Variants in KCNIP4 observed in about 807,000 individuals in gnomAD.
KCNIP4 encodes potassium voltage-gated channel interacting protein 4.
KCNIP4 carries 12 observed loss-of-function variants against 34.0 expected under a neutral mutation model. That is an observed-to-expected ratio of 0.35 (90% CI 0.23 to 0.57). The LOEUF is 0.57. KCNIP4 is among the 20% of genes least tolerant of loss of function. The pLI is 0.83. For synonymous variants in KCNIP4, 124 were observed against 102.2 expected (o/e 1.21, Z -1.29); for missense variants, 238 against 311.7 (o/e 0.76, Z 1.78).
chr4:21,941,569 AT>A (rs1259002159), intron 1 of KCNIP4, among the ~76,000 whole-genome samples: 1 of 152,136 alleles, frequency 6.6e-6, no homozygotes, highest in African/African-American at 2.4e-5. Flanking sequence ...AAAAGGGGAC[AT>A]TTCCCTAAGC....
chr4:21,132,379 T>C (rs1026705416), intron 1 of KCNIP4, among the ~76,000 whole-genome samples: 7 of 152,222 alleles, frequency 4.6e-5, no homozygotes, highest in African/African-American at 1.7e-4. Flanking sequence ...GTGGAATGAA[T>C]ATGCCGGATT....
chr4:21,901,557 T>G (rs997432484), intron 1 of KCNIP4, among the ~76,000 whole-genome samples: 1 of 152,074 alleles, frequency 6.6e-6, no homozygotes, highest in African/African-American at 2.4e-5. Context: ...TCTCAAGAGG[T>G]AAAGTGGGGG....
Position 20,743,788 on chromosome 4 carries a change from G to A in KCNIP4, c.429+5874C>T, listed in dbSNP as rs182711983. Reference sequence around the variant, plus strand: ...GACAAATGGGATCTAATTAAACTAAGGAACTTCTGCACAGCAAAAGAAACT... The same window carrying A: ...GACAAATGGGATCTAATTAAACTAAAGAACTTCTGCACAGCAAAAGAAACT... On this transcript the variant is annotated intron_variant, in intron 5 of 8. Transcript: ENST00000382152. Among the ~76,000 whole-genome samples, 356 of 152,114 alleles carry A rather than the reference G, an allele frequency of 2.3e-3. 8 individuals are homozygous for A. In the South Asian group the frequency reaches 0.046, roughly 20 times the overall value.
intron 1 of KCNIP4, among the ~76,000 whole-genome samples, chr4:21,747,900 A>G (rs1716880869): frequency 1.3e-5 from 2 of 152,132 alleles, no homozygotes; most frequent in South Asian, 4.1e-4. Flanking sequence ...ACAAGACGCA[A>G]AAAAGGACAC....
intron 1 of KCNIP4, among the ~76,000 whole-genome samples, chr4:21,875,450 T>C (rs142293978): frequency 4.6e-5 from 7 of 152,328 alleles, no homozygotes; most frequent in African/African-American, 1.7e-4. Flanking sequence ...AATGCTTTTC[T>C]ACGTTGAAAT....
chr4:21,365,101 A>G (rs1186858230), intron 1 of KCNIP4, among the ~76,000 whole-genome samples: 1 of 152,190 alleles, frequency 6.6e-6, no homozygotes, highest in Non-Finnish European at 1.5e-5. Flanking sequence ...GAGATATTAA[A>G]GTATTTGGGG....
intron 1 of KCNIP4, among the ~76,000 whole-genome samples, chr4:21,099,432 G>T (rs576594526): frequency 2.6e-5 from 4 of 151,996 alleles, no homozygotes; most frequent in Non-Finnish European, 4.4e-5. Flanking sequence ...TGGACACATC[G>T]GGGGGAACAA....
chr4:21,923,907 A>G (rs2108998822), intron 1 of KCNIP4, among the ~76,000 whole-genome samples: 1 of 152,290 alleles, frequency 6.6e-6, no homozygotes, highest in East Asian at 1.9e-4. Flanking sequence ...CAGTGGTGTC[A>G]CCAGAGGAAG....
chr4:21,866,973 A>G (rs10938862), intron 1 of KCNIP4, among the ~76,000 whole-genome samples: 148,755 of 151,968 alleles, frequency 0.98, 72,892 homozygotes, highest in East Asian at 1. Flanking sequence ...GGGTTTCACC[A>G]TGTTAGCCAG....
At chr4:21,552,553 C>T (rs1738666477) in intron 1 of KCNIP4, among the ~76,000 whole-genome samples, 1 of 152,114 alleles carries the variant, frequency 6.6e-6, no homozygotes, top group Non-Finnish European at 1.5e-5. Flanking sequence ...TAAATCCCTA[C>T]TCTGGACTAT....
intron 1 of KCNIP4, among the ~76,000 whole-genome samples, chr4:21,610,014 T>G (rs1447337603): frequency 6.6e-6 from 1 of 152,230 alleles, no homozygotes; most frequent in East Asian, 1.9e-4. Context: ...AGGCAGAAAC[T>G]GTTATATTTA....
At chr4:20,758,688 A>G in intron 4 of KCNIP4, 133 bp downstream of exon 4, 1 of 686,960 alleles carries the variant, frequency 1.5e-6, no homozygotes, top group South Asian at 2.0e-5. Flanking sequence ...AATTATATAC[A>G]CTTGCATGCT....
chr4:21,055,865 G>T lies in KCNIP4; in HGVS notation c.62-173156C>A, dbSNP rs76835563. Among the ~76,000 whole-genome samples the T allele has an allele frequency of 3.9e-5, 6 of 152,252 alleles. No individual in the cohort carries two copies. The East Asian group carries it at 1.2e-3, about 29-fold the overall frequency. On this transcript the variant is annotated intron_variant, in intron 1 of 8. Transcript: ENST00000382152. ...TGTATGATACTGTAATGATGGACAC[G>T]TGTCATTATACATACATTTGTTAAA... is the stretch of plus-strand genomic sequence containing the variant.
intron 1 of KCNIP4, among the ~76,000 whole-genome samples, chr4:21,620,056 C>G (rs778146299): frequency 6.6e-6 from 1 of 152,216 alleles, no homozygotes; most frequent in Admixed American, 6.5e-5. Flanking sequence ...TAATATACAC[C>G]AGAAATTTTA....
intron 1 of KCNIP4, among the ~76,000 whole-genome samples, chr4:21,854,842 C>T (rs546858846): frequency 1.5e-4 from 23 of 152,314 alleles, no homozygotes; most frequent in Non-Finnish European, 2.9e-4. Flanking sequence ...AGTGCTAATA[C>T]AACATTTGTT....
At chr4:21,609,914 C>T (rs1310406749) in intron 1 of KCNIP4, among the ~76,000 whole-genome samples, 1 of 152,160 alleles carries the variant, frequency 6.6e-6, no homozygotes, top group African/African-American at 2.4e-5. Flanking sequence ...AGATCGAATA[C>T]TATCTGAATT....
intron 1 of KCNIP4, among the ~76,000 whole-genome samples, chr4:21,923,704 C>T (rs190238317): frequency 2.0e-3 from 312 of 152,326 alleles, no homozygotes; most frequent in African/African-American, 7.2e-3. Context: ...CTCTAGCCCA[C>T]CGTGGGCTCA....
chr4:21,073,543 C>T (rs1024610438), intron 1 of KCNIP4, among the ~76,000 whole-genome samples: 58 of 152,284 alleles, frequency 3.8e-4, no homozygotes, highest in African/African-American at 1.4e-3. Context: ...TGGGCTGAGA[C>T]AATGGGATTT....
intron 1 of KCNIP4, among the ~76,000 whole-genome samples, chr4:21,618,873 TC>T (rs2109170281): frequency 1.3e-5 from 2 of 152,142 alleles, no homozygotes; most frequent in East Asian, 3.9e-4. Context: ...GACCTCGTGA[TC>T]CGCCCACCAC....
Sources: allele counts gnomAD v4.1 joint callset (sites outside exome capture counted in the v4.1 genomes callset), GRCh38; gene constraint gnomAD v4.1.1; transcripts MANE v1.5; gene names NCBI Gene and HGNC (gene_info 2026-07-23, HGNC 2026-07-21).